The following SLC10A7 variants were observed in gnomAD, a reference collection of about 807,000 sequenced individuals.
The protein encoded by SLC10A7 is solute carrier family 10 member 7, also known as sodium/bile acid cotransporter 7.
A neutral mutation model predicts 43.2 loss-of-function variants in SLC10A7; 29 were observed. That is an observed-to-expected ratio of 0.67 (90% confidence interval 0.50 to 0.92). SLC10A7 has a LOEUF of 0.92. SLC10A7 is among the 40% of genes least tolerant of loss of function. The pLI, the probability that SLC10A7 is intolerant of heterozygous loss-of-function variation, is 0.00. For missense variants in SLC10A7, 295 were observed against 403.2 expected (o/e 0.73, Z 2.30); for synonymous variants, 152 against 144.8 (o/e 1.05, Z -0.35).
chr4:146,371,486 T>G (rs1223312974), intron 5 of SLC10A7, among the ~76,000 whole-genome samples: 1 of 152,148 alleles, frequency 6.6e-6, no homozygotes, highest in African/African-American at 2.4e-5. Context: ...AGGATTTTAG[T>G]AGAGAAGAAT....
chr4:146,356,039 T>A (rs1023041815), intron 5 of SLC10A7, among the ~76,000 whole-genome samples: 3 of 139,814 alleles, frequency 2.1e-5, no homozygotes, highest in East Asian at 4.2e-4. Flanking sequence ...TAAAGTATAA[T>A]AAAAAAAAAA....
chr4:146,283,970 T>C (rs1560760762), intron 9 of SLC10A7, among the ~76,000 whole-genome samples: 2 of 152,280 alleles, frequency 1.3e-5, no homozygotes, highest in East Asian at 1.9e-4. Flanking sequence ...TGTTATATAC[T>C]ATGTTAAACA....
At position 146,266,727 on chromosome 4, in the gene SLC10A7, C is replaced by T. The variant is rs140099655; in HGVS notation, c.848-7890G>A. Among the ~76,000 whole-genome samples, 582 of 152,210 alleles carry T rather than the reference C, an allele frequency of 3.8e-3. 2 individuals carry two copies. Among genetic ancestry groups the T allele is most frequent in the African/African-American group, 0.013 (531 of 41,536 alleles). On this transcript the variant is annotated intron_variant, in intron 10 of 11. Transcript: ENST00000335472. ...ATCATATCCAGTAATGTGCCTGAGGCTGAACAGTGTAGCAGTTAAGAAGCT... is the reference window on the plus strand; with the variant it reads ...ATCATATCCAGTAATGTGCCTGAGGTTGAACAGTGTAGCAGTTAAGAAGCT...
chr4:146,355,628 T>G (rs1488222174), intron 5 of SLC10A7, among the ~76,000 whole-genome samples: 1 of 151,904 alleles, frequency 6.6e-6, no homozygotes, highest in Non-Finnish European at 1.5e-5. Flanking sequence ...AGCAAAGACT[T>G]GGAACCAACG....
chr4:146,459,022 C>G (rs1263360458), intron 4 of SLC10A7, among the ~76,000 whole-genome samples: 1 of 151,474 alleles, frequency 6.6e-6, no homozygotes, highest in African/African-American at 2.4e-5. Flanking sequence ...TTCAAGAATG[C>G]AAGGTCTATA....
chr4:146,356,051 A>AAT (rs763407986), intron 5 of SLC10A7, among the ~76,000 whole-genome samples: 56 of 140,130 alleles, frequency 4.0e-4, no homozygotes, highest in African/African-American at 1.2e-3. Context: ...AAAAAAAAAA[A>AAT]ATATATATAT....
chr4:146,400,349 A>G (rs1161561847), intron 5 of SLC10A7, among the ~76,000 whole-genome samples: 1 of 152,080 alleles, frequency 6.6e-6, no homozygotes, highest in African/African-American at 2.4e-5. Flanking sequence ...AAAAGTAGAA[A>G]TTGGAACACT....
chr4:146,306,649 A>G (rs556675696), intron 6 of SLC10A7, among the ~76,000 whole-genome samples: 9 of 152,128 alleles, frequency 5.9e-5, no homozygotes, highest in East Asian at 3.9e-4. Context: ...AACAATTACA[A>G]TCTCAGTTTC....
intron 10 of SLC10A7, among the ~76,000 whole-genome samples, chr4:146,263,178 C>T (rs1208358563): frequency 6.6e-6 from 1 of 152,214 alleles, no homozygotes; most frequent in Non-Finnish European, 1.5e-5. Context: ...TCTTAGGTTG[C>T]CTCCTCTGGG....
chr4:146,436,583 G>A (rs999626298), intron 5 of SLC10A7, among the ~76,000 whole-genome samples: 9 of 151,856 alleles, frequency 5.9e-5, no homozygotes, highest in Non-Finnish European at 1.0e-4. Flanking sequence ...ATTGAGAAGC[G>A]ACCTCAGAGA....
At chr4:146,325,188 G>T (rs1053363216) in intron 6 of SLC10A7, among the ~76,000 whole-genome samples, 1 of 152,222 alleles carries the variant, frequency 6.6e-6, no homozygotes, top group African/African-American at 2.4e-5. Context: ...ACATTTCAGT[G>T]ATAAGCAGAG....
At chr4:146,341,959 T>C (rs899936009) in intron 5 of SLC10A7, among the ~76,000 whole-genome samples, 3 of 151,646 alleles carry the variant, frequency 2.0e-5, no homozygotes, top group Non-Finnish European at 4.4e-5. Flanking sequence ...CAAAGAAAAA[T>C]TGAAAATTTC....
At chr4:146,481,402 TTGCTGCTGC>T (rs61027778) in intron 4 of SLC10A7, among the ~76,000 whole-genome samples, 21,137 of 152,046 alleles carry the variant, frequency 0.14, 1,502 homozygotes, top group South Asian at 0.16. Flanking sequence ...GCCTGGGTCC[TTGCTGCTGC>T]TGCTGCTGCT....
chr4:146,330,679 A>G (rs1015846181), intron 5 of SLC10A7, among the ~76,000 whole-genome samples: 6 of 152,214 alleles, frequency 3.9e-5, no homozygotes, highest in African/African-American at 1.2e-4. Flanking sequence ...TTTATGCAGT[A>G]CTTATGCTGC....
At chr4:146,309,175 C>T (rs1437459493) in intron 6 of SLC10A7, among the ~76,000 whole-genome samples, 1 of 152,120 alleles carries the variant, frequency 6.6e-6, no homozygotes, top group African/African-American at 2.4e-5. Flanking sequence ...CTTTCCAACA[C>T]ATCCTCCAAA....
intron 9 of SLC10A7, among the ~76,000 whole-genome samples, chr4:146,284,535 C>G (rs1355661807): frequency 6.6e-6 from 1 of 152,012 alleles, no homozygotes; most frequent in African/African-American, 2.4e-5. Flanking sequence ...GGCCTTTGGT[C>G]TCTCTTCTGA....
rs187147895 is a variant in SLC10A7, at chr4:146,375,711, A to G, written c.436-49715T>C. Among the ~76,000 whole-genome samples, 392 of 152,236 alleles carry G rather than the reference A, an allele frequency of 2.6e-3. 5 individuals are homozygous for G. Among genetic ancestry groups the G allele is most frequent in the African/African-American group, 9.0e-3 (374 of 41,556 alleles). ...TAAGAAAAACCCTAGTGTTTTTCCT[A>G]TTCTCACACAACACAACCCCTCTGA... On this transcript the variant is annotated intron_variant, in intron 5 of 11. Coordinates refer to ENST00000335472, the MANE Select transcript of SLC10A7 (RefSeq NM_001029998.6).
At chr4:146,337,817 T>G (rs1319105736) in intron 5 of SLC10A7, among the ~76,000 whole-genome samples, 2 of 151,380 alleles carry the variant, frequency 1.3e-5, no homozygotes, top group Non-Finnish European at 1.5e-5. Context: ...AAGAAAAAAA[T>G]GTGCAAAGGA....
intron 5 of SLC10A7, among the ~76,000 whole-genome samples, chr4:146,363,327 T>A (rs1338302773): frequency 2.0e-5 from 3 of 152,142 alleles, no homozygotes; most frequent in African/African-American, 7.2e-5. Context: ...CAATTGTCTA[T>A]GTATATGCAC....
Sources: gnomAD v4.1 joint callset for allele counts (sites outside exome capture counted in the v4.1 genomes callset) on GRCh38, gnomAD v4.1.1 for gene constraint, MANE v1.5 for transcripts, NCBI Gene and HGNC (gene_info 2026-07-23, HGNC 2026-07-21) for gene names.